NAALADL2: variants seen among roughly 807,000 people sequenced by gnomAD.
NAALADL2 encodes inactive N-acetylated-alpha-linked acidic dipeptidase-like protein 2.
NAALADL2 carries 76 observed loss-of-function variants against 87.2 expected under a neutral mutation model. The ratio of observed to expected loss-of-function variants is 0.87; its 90% CI spans 0.72 to 1.05. The LOEUF is 1.05. NAALADL2 is among the 50% of genes least tolerant of loss of function. NAALADL2 has a pLI of 0.00. For missense variants in NAALADL2, 1,089 were observed against 945.8 expected (o/e 1.15, Z -1.99); for synonymous variants, 354 against 331.0 (o/e 1.07, Z -0.75).
intron 2 of NAALADL2, among the ~76,000 whole-genome samples, chr3:175,101,683 A>G (rs1008902217): frequency 6.6e-6 from 1 of 151,900 alleles, no homozygotes; most frequent in African/African-American, 2.4e-5. Context: ...ACTTCAAAAC[A>G]TAGTTTGAAA....
At chr3:174,603,697 T>G (rs1011527605) in intron 2 of NAALADL2, among the ~76,000 whole-genome samples, 1 of 152,102 alleles carries the variant, frequency 6.6e-6, no homozygotes, top group Non-Finnish European at 1.5e-5. Flanking sequence ...TTTTTCTTAT[T>G]CTATGTAGGC....
At chr3:175,278,882 G>A (rs1461649825) in intron 4 of NAALADL2, among the ~76,000 whole-genome samples, 1 of 151,998 alleles carries the variant, frequency 6.6e-6, no homozygotes, top group Non-Finnish European at 1.5e-5. Context: ...ATGTATCCAG[G>A]GAAACTTATG....
rs117160074 is a variant in NAALADL2 at position 175,091,077 on chromosome 3, C to T, written c.44-5713C>T. Among the ~76,000 whole-genome samples the T allele has an allele frequency of 3.3e-3, 504 of 152,124 alleles. 7 individuals carry two copies. The highest frequency in any genetic ancestry group is 0.019 in the Admixed American group (284 of 15,280). ...TTTGCCTTGCTCTCAAAGGTGATAA[C>T]ATTAAAGCTTTCAACAACAAAAATT... On this transcript the variant is annotated intron_variant, in intron 1 of 13. Coordinates refer to ENST00000454872, the MANE Select transcript of NAALADL2 (RefSeq NM_207015.3).
At chr3:174,658,729 A>G (rs903073132) in intron 2 of NAALADL2, among the ~76,000 whole-genome samples, 4 of 152,192 alleles carry the variant, frequency 2.6e-5, no homozygotes, top group Non-Finnish European at 5.9e-5. Context: ...AGTTTTTTCA[A>G]TAAGTATAGA....
At chr3:175,441,387 C>T (rs920389469) in intron 5 of NAALADL2, among the ~76,000 whole-genome samples, 1 of 152,062 alleles carries the variant, frequency 6.6e-6, no homozygotes, top group Non-Finnish European at 1.5e-5. Flanking sequence ...TTAAGGGACT[C>T]GAGCATATGC....
At chr3:174,581,200 T>G (rs1189808940) in intron 2 of NAALADL2, among the ~76,000 whole-genome samples, 1 of 152,186 alleles carries the variant, frequency 6.6e-6, no homozygotes, top group East Asian at 1.9e-4. Flanking sequence ...TAATCTCAAG[T>G]GCCAAGAATC....
chr3:174,461,924 A>G (rs1372900473), intron 1 of NAALADL2, among the ~76,000 whole-genome samples: 1 of 152,060 alleles, frequency 6.6e-6, no homozygotes, highest in Non-Finnish European at 1.5e-5. Context: ...CTTATCATCT[A>G]TATACTAGGA....
At chr3:174,621,841 A>C (rs1178276681) in intron 2 of NAALADL2, among the ~76,000 whole-genome samples, 1 of 152,206 alleles carries the variant, frequency 6.6e-6, no homozygotes, top group Non-Finnish European at 1.5e-5. Flanking sequence ...AGATGTAAAA[A>C]ATAGAAGCTT....
intron 3 of NAALADL2, among the ~76,000 whole-genome samples, chr3:174,778,454 C>CTAACTA (rs1560217133): frequency 2.6e-5 from 4 of 151,224 alleles, no homozygotes; most frequent in African/African-American, 4.9e-5. Context: ...TACTCTGCAC[C>CTAACTA]AGGTTTGGGT....
chr3:175,086,443 T>C lies in NAALADL2; in HGVS notation c.44-10347T>C, dbSNP rs973997137. On this transcript the variant is annotated intron_variant, in intron 1 of 13. Coordinates refer to ENST00000454872, the MANE Select transcript of NAALADL2 (RefSeq NM_207015.3). ...AAAAAAAAGAAACGGGAAAAGAAGC[T>C]AAAATTCATGTTGATAAAGTAATAA... Among the ~76,000 whole-genome samples, 3 of 152,058 alleles carry C rather than the reference T, an allele frequency of 2.0e-5. No homozygotes were observed. In the East Asian group the frequency reaches 5.8e-4, roughly 29 times the overall value.
chr3:175,053,349 C>T (rs751341925), intron 1 of NAALADL2, among the ~76,000 whole-genome samples: 5 of 152,116 alleles, frequency 3.3e-5, no homozygotes, highest in Non-Finnish European at 5.9e-5. Flanking sequence ...GAATTGTTGT[C>T]CCGCTTTCCT....
At chr3:175,632,266 TTCTCTC>T (rs61458338) in intron 11 of NAALADL2, among the ~76,000 whole-genome samples, 2,757 of 129,498 alleles carry the variant, frequency 0.021, 42 homozygotes, top group African/African-American at 0.032. Context: ...CACTTTCCCC[TTCTCTC>T]TCTCTCTCTC....
chr3:175,151,766 AT>A (rs1482205308), intron 2 of NAALADL2, among the ~76,000 whole-genome samples: 4 of 152,220 alleles, frequency 2.6e-5, no homozygotes, highest in Non-Finnish European at 5.9e-5. Context: ...TTTTAAATGA[AT>A]GAAATATCAT....
intron 1 of NAALADL2, among the ~76,000 whole-genome samples, chr3:175,010,087 T>C (rs1040789996): frequency 1.6e-4 from 24 of 152,138 alleles, no homozygotes; most frequent in African/African-American, 5.8e-4. Context: ...TTTATAATTG[T>C]GGGGTGGATC....
intron 2 of NAALADL2, among the ~76,000 whole-genome samples, chr3:174,641,986 T>C (rs985139315): frequency 1.3e-5 from 2 of 152,114 alleles, no homozygotes; most frequent in Admixed American, 6.5e-5. Flanking sequence ...CTCAAACTCC[T>C]GGGCTGAAGC....
In NAALADL2 at chr3:175,391,650, A is replaced by G. The variant is rs533849517; in HGVS notation, c.1091-55579A>G. Among the ~76,000 whole-genome samples, 4 of 152,320 alleles carry G rather than the reference A, an allele frequency of 2.6e-5. 1 individual carries two copies. Among genetic ancestry groups the G allele is most frequent in the East Asian group, 1.9e-4 (1 of 5,182 alleles). ...TCTCAGCTGAGGTAGAGGTTAAGTC[A>G]TTGAATTCTTGACCTAAAGAAACTG... On this transcript the variant is annotated intron_variant, in intron 5 of 13. Transcript: ENST00000454872.
intron 2 of NAALADL2, among the ~76,000 whole-genome samples, chr3:174,718,033 G>A (rs1253583904): frequency 6.6e-6 from 1 of 152,154 alleles, no homozygotes; most frequent in African/African-American, 2.4e-5. Context: ...GGAGGCTGAA[G>A]CAGAAGAATC....
intron 9 of NAALADL2, among the ~76,000 whole-genome samples, chr3:175,552,504 T>C (rs559567922): frequency 1.6e-4 from 25 of 152,314 alleles, no homozygotes; most frequent in African/African-American, 4.8e-4. Context: ...TATACAGCTA[T>C]ACTTTTACAT....
chr3:175,282,179 T>A (rs1353607938), intron 4 of NAALADL2, among the ~76,000 whole-genome samples: 1 of 152,050 alleles, frequency 6.6e-6, no homozygotes, highest in Non-Finnish European at 1.5e-5. Context: ...TGAAACAGTT[T>A]TTTCTATACT....
Sources: allele counts gnomAD v4.1 joint callset (sites outside exome capture counted in the v4.1 genomes callset), GRCh38; gene constraint gnomAD v4.1.1; transcripts MANE v1.5; gene names NCBI Gene and HGNC (gene_info 2026-07-23, HGNC 2026-07-21).